Variants in NCBP3 observed in about 807,000 individuals in gnomAD.
NCBP3 encodes the protein nuclear cap-binding protein subunit 3.
NCBP3 carries 20 observed loss-of-function variants against 75.7 expected under a neutral mutation model. That is an observed-to-expected ratio of 0.26 (90% CI 0.19 to 0.38). The LOEUF (loss-of-function observed/expected upper bound fraction) is 0.38. Among genes scored for constraint, NCBP3 ranks in the 10% least tolerant of loss-of-function variants. NCBP3 has a pLI of 1.00. For missense variants in NCBP3, 678 were observed against 796.9 expected (o/e 0.85, Z 1.80); for synonymous variants, 293 against 290.5 (o/e 1.01, Z -0.09).
intron 7 of NCBP3, chr17:3,824,728 G>A: frequency 6.5e-6 from 2 of 306,286 alleles, no homozygotes; most frequent in Admixed American, 1.0e-4. Flanking sequence ...ACTTTAGCCA[G>A]AAGTCACAGA....
At position 3,816,258 on chromosome 17, in the gene NCBP3, C is replaced by T; in HGVS notation, c.1323G>A (p.Arg441=). Residue 441 remains arginine (R), a synonymous_variant, in exon 11 of 13, where the codon AGG becomes AGA. Transcript: ENST00000389005. The stretch of plus-strand genomic sequence containing the variant: ...TATTGCTTGAAGATACACTATCTGC[C>T]CTCATGGAGTTCCTTTAAAAAGGGG... ...SQLKNIRNSM[R]ADSVSSSNIK... The T allele has an allele frequency of 6.2e-7, 1 of 1,613,684 alleles. No homozygotes were observed.
chr17:3,843,338 C>G (rs1386742781), intron 1 of NCBP3, among the ~76,000 whole-genome samples, 187 bp from the exon 2 acceptor site: 2 of 151,970 alleles, frequency 1.3e-5, no homozygotes, highest in South Asian at 2.1e-4. Flanking sequence ...CTCGACTCCC[C>G]AGGCTCACGC....
At chr17:3,819,169 T>C (rs1259819212) in intron 9 of NCBP3, among the ~76,000 whole-genome samples, 1 of 152,156 alleles carries the variant, frequency 6.6e-6, no homozygotes, top group Non-Finnish European at 1.5e-5. Flanking sequence ...AAAAATACCA[T>C]ATCAGGTAAG....
intron 3 of NCBP3, among the ~76,000 whole-genome samples, chr17:3,834,840 A>G (rs1227912686): frequency 3.3e-5 from 5 of 152,220 alleles, no homozygotes; most frequent in African/African-American, 1.2e-4. Context: ...AACAAAAAAA[A>G]AAAAGAAGAA....
At chr17:3,835,766 G>A (rs753921886) in intron 3 of NCBP3, among the ~76,000 whole-genome samples, 1 of 152,246 alleles carries the variant, frequency 6.6e-6, no homozygotes. Context: ...CCAACCATGA[G>A]AGTTTGAATC....
chr17:3,805,743 C>T lies in NCBP3; in HGVS notation c.*7301G>A, dbSNP rs2053330344. 2 of 152,278 alleles carry T rather than the reference C, an allele frequency of 1.3e-5. No individual in the cohort carries two copies. The highest frequency in any genetic ancestry group is 1.3e-4 in the Admixed American group (2 of 15,292). 9.4% of individuals were successfully genotyped at this position (152,278 alleles called of 1,614,324 possible). ...CTTTCCTGCTATCTAGCCCACACCC[C>T]TGATGCTCCCCGGAAAGGAGAGCAA... is the stretch of plus-strand genomic sequence containing the variant. On this transcript the variant is annotated 3_prime_UTR_variant, in exon 13 of 13. Coordinates refer to ENST00000389005, the MANE Select transcript of NCBP3 (RefSeq NM_001114118.3).
intron 1 of NCBP3, among the ~76,000 whole-genome samples, chr17:3,844,486 A>C (rs1436827884): frequency 6.6e-6 from 1 of 152,156 alleles, no homozygotes; most frequent in African/African-American, 2.4e-5. Flanking sequence ...TATGGAACAT[A>C]AACTCCAGGA....
rs370546360 is a variant in NCBP3, at chr17:3,821,272, G to A, written c.977C>T (p.Thr326Met). ...ACCAGAATGTCGATGTTTATACGAC[G>A]TCAAGCCAACGTCATCCCCAATCAG... ...RALIGDDVGL[T>M]SYKHRHSGLV... is the part of the protein sequence containing the mutation. The change falls in exon 9 of 13, where the codon ACG (threonine) becomes ATG (methionine). Residue 326 changes from threonine (T) to methionine (M), a missense_variant. By Grantham distance (81) the Thr-to-Met change is moderately conservative. Coordinates refer to ENST00000389005, the MANE Select transcript of NCBP3 (RefSeq NM_001114118.3). 7.4e-6 allele frequency: 12 copies of A among 1,613,706 alleles called. No homozygotes were observed. The highest frequency in any genetic ancestry group is 2.2e-5 in the East Asian group (1 of 44,884).
intron 2 of NCBP3, 44 bp downstream of exon 2, chr17:3,843,042 C>T: frequency 7.2e-7 from 1 of 1,387,278 alleles, no homozygotes; most frequent in Non-Finnish European, 1.0e-6. Context: ...TCATTAAGTT[C>T]ACTTGCTTAT....
rs2053426300 is a variant in NCBP3, at chr17:3,812,061, C to T, written c.*983G>A. 6.6e-6 allele frequency: 1 copy of T among 151,810 alleles called. No individual in the cohort carries two copies. Among genetic ancestry groups the T allele is most frequent in the African/African-American group, 2.4e-5 (1 of 41,320 alleles). 9.4% of individuals were successfully genotyped at this position (151,810 alleles called of 1,614,324 possible). ...GATGGATTTTTTTTCCTACTGGAGC[C>T]AAAAAACAAGCTGAACTCTATGTAC... On this transcript the variant is annotated 3_prime_UTR_variant, in exon 13 of 13. Coordinates refer to ENST00000389005, the MANE Select transcript of NCBP3 (RefSeq NM_001114118.3).
At chr17:3,840,835 A>C (rs2054051321) in intron 2 of NCBP3, among the ~76,000 whole-genome samples, 1 of 152,212 alleles carries the variant, frequency 6.6e-6, no homozygotes, top group South Asian at 2.1e-4. Flanking sequence ...CCTCGTGTCC[A>C]CGGAATCACC....
In NCBP3 at chr17:3,808,579, C is replaced by T. The variant is rs1033910440; in HGVS notation, c.*4465G>A. 6.6e-6 allele frequency: 1 copy of T among 152,294 alleles called. No homozygotes were observed. The highest frequency in any genetic ancestry group is 1.5e-5 in the Non-Finnish European group (1 of 68,064). 9.4% of individuals were successfully genotyped at this position (152,294 alleles called of 1,614,324 possible). ...CATGTCACTGGAGGTAGAAACAGCT[C>T]TGTGCACAGTCTGTAGGGCTAGTGA... On this transcript the variant is annotated 3_prime_UTR_variant, in exon 13 of 13. Transcript: ENST00000389005.
At chr17:3,815,059 C>T (rs1354231499) in intron 11 of NCBP3, among the ~76,000 whole-genome samples, 1 of 152,244 alleles carries the variant, frequency 6.6e-6, no homozygotes. Context: ...GAGCAGCACC[C>T]TGGTCTCTGG....
rs1004462983 is a variant in NCBP3, at chr17:3,818,172, T to C, written c.1310+91A>G. On this transcript the variant is annotated intron_variant, in intron 10 of 12. Coordinates refer to ENST00000389005, the MANE Select transcript of NCBP3 (RefSeq NM_001114118.3). The surrounding 1 kb of genome is among the most constrained non-coding windows in gnomAD (Gnocchi z 4.7). ...TACAAGGGACTGAAATCAGAATAGA[T>C]AAAAGATATTATAAAATTAGGAGGA... 1.6e-5 allele frequency: 16 copies of C among 1,022,834 alleles called. No homozygotes were observed. The highest frequency in any genetic ancestry group is 3.2e-4 in the Middle Eastern group (1 of 3,098). The allele number at this position is 1,022,834 out of a possible 1,614,324, so 63.4% of individuals were successfully genotyped here.
chr17:3,806,901 T>C lies in NCBP3; in HGVS notation c.*6143A>G, dbSNP rs2053342704. 6.6e-6 allele frequency: 1 copy of C among 152,228 alleles called. No individual in the cohort carries two copies. The highest frequency in any genetic ancestry group is 6.5e-5 in the Admixed American group (1 of 15,282). The allele number at this position is 152,228 out of a possible 1,614,324, so 9.4% of individuals were successfully genotyped here. A position where few individuals can be genotyped will look rare whatever the true frequency, so the allele number is the denominator to read the frequency against. ...TTCAGTTCGTAAAAGAAAAACATGG[T>C]TTAACTTCTAATTTACTGCTTATTA... On this transcript the variant is annotated 3_prime_UTR_variant, in exon 13 of 13. Coordinates refer to ENST00000389005, the MANE Select transcript of NCBP3 (RefSeq NM_001114118.3).
chr17:3,829,948 A>G (rs1910755536), intron 3 of NCBP3, among the ~76,000 whole-genome samples: 1 of 152,200 alleles, frequency 6.6e-6, no homozygotes, highest in South Asian at 2.1e-4. Context: ...CTCACTACCA[A>G]TCATTAACAT....
chr17:3,818,526 C>T lies in NCBP3; in HGVS notation c.1047G>A (p.Glu349=), dbSNP rs1045967589. Residue 349 remains glutamate (E), a synonymous_variant, in exon 10 of 13, where the codon GAG becomes GAA. Transcript: ENST00000389005. The surrounding 1 kb of genome is among the most constrained non-coding windows in gnomAD (Gnocchi z 4.7). The stretch of plus-strand genomic sequence containing the variant: ...CTTCCTCTTCCTCTTCCTCCTCCTC[C>T]TCCTCTTCCTCCTCTTCAATGGGTT... The part of the protein sequence containing the change: ...PEEPIEEEEE[E]EEEEEEEEEE... 8 of 1,610,578 alleles carry T rather than the reference C, an allele frequency of 5.0e-6. No homozygotes were observed. Among genetic ancestry groups the T allele is most frequent in the Non-Finnish European group, 6.8e-6 (8 of 1,179,686 alleles).
chr17:3,835,689 AG>A (rs1449184928), intron 3 of NCBP3, among the ~76,000 whole-genome samples: 3 of 152,268 alleles, frequency 2.0e-5, no homozygotes, highest in Admixed American at 2.0e-4. Flanking sequence ...AAAGACCAGT[AG>A]GAAGTTTGCC....
chr17:3,821,333 G>A lies in NCBP3; in HGVS notation c.916C>T (p.Arg306Cys), dbSNP rs2053660609. ...TTGATCACGTCCCGCTGAATACGAC[G>A]GGAATGATATCTTCGCTTCCTGCAA... ...SNSWKRRYHS[R>C]RIQRDVIKKR... The change falls in exon 9 of 13, where the codon CGT becomes TGT. Residue 306 changes from arginine to cysteine, a missense_variant. By Grantham distance (180) the Arg-to-Cys change is radical. Around this residue, in one of 7 missense-constraint regions of NCBP3, gnomAD observed 38 missense variants for 78.9 expected, o/e 0.48. Transcript: ENST00000389005. The A allele has an allele frequency of 3.7e-6, 6 of 1,613,838 alleles. No individual in the cohort carries two copies. Among genetic ancestry groups the A allele is most frequent in the Non-Finnish European group, 5.1e-6 (6 of 1,179,818 alleles).
Sources: allele counts gnomAD v4.1 joint callset (sites outside exome capture counted in the v4.1 genomes callset), GRCh38; gene constraint gnomAD v4.1.1; regional missense constraint gnomAD v4.1.1; non-coding constraint Gnocchi (gnomAD v3.1); transcripts MANE v1.5; gene names NCBI Gene and HGNC (gene_info 2026-07-23, HGNC 2026-07-21).